SYNE2: variants seen among roughly 807,000 people sequenced by gnomAD.
The protein encoded by SYNE2 is nesprin-2.
SYNE2 carries 431 observed loss-of-function variants against 856.3 expected under a neutral mutation model. The ratio of observed to expected loss-of-function variants is 0.50; its 90% CI spans 0.47 to 0.55. The LOEUF (loss-of-function observed/expected upper bound fraction) is 0.55. Among genes scored for constraint, SYNE2 ranks in the 20% least tolerant of loss-of-function variants. The pLI is 0.00. For synonymous variants in SYNE2, 2,923 were observed against 2,872.3 expected (o/e 1.02, Z -0.56); for missense variants, 8,129 against 8,023.2 (o/e 1.01, Z -0.50).
chr14:64,103,233 A>C (rs8016917), intron 64 of SYNE2, among the ~76,000 whole-genome samples: 14,578 of 152,178 alleles, frequency 0.096, 1,239 homozygotes, highest in African/African-American at 0.23. Context: ...GTGAAAATCC[A>C]AACTGACCAA....
At position 64,215,889 on chromosome 14, in the gene SYNE2, G is replaced by C. The variant is rs1212055752; in HGVS notation, c.19403-359G>C. 6.5e-6 allele frequency: 8 copies of C among 1,239,046 alleles called. No individual in the cohort carries two copies. In the East Asian group the frequency reaches 3.0e-4, roughly 47 times the overall value. 76.8% of individuals were successfully genotyped at this position (1,239,046 alleles called of 1,614,324 possible). A position where few individuals can be genotyped will look rare whatever the true frequency, so the allele number is the denominator to read the frequency against. On this transcript the variant is annotated intron_variant, in intron 107 of 115. Coordinates refer to ENST00000555002, the MANE Select transcript of SYNE2 (RefSeq NM_182914.3). ...CCCTGAGGAGCCTTTTGGTTCCCAAGTCCATCTTGATGTTCACTCTTCCCC... is the reference window on the plus strand; with the variant it reads ...CCCTGAGGAGCCTTTTGGTTCCCAACTCCATCTTGATGTTCACTCTTCCCC...
chr14:64,208,796 G>A lies in SYNE2; in HGVS notation c.18240G>A (p.Val6080=), dbSNP rs897434313. 28 of 1,614,100 alleles carry A rather than the reference G, an allele frequency of 1.7e-5. No individual in the cohort carries two copies. Among genetic ancestry groups the A allele is most frequent in the Non-Finnish European group, 2.1e-5 (25 of 1,180,054 alleles). ...QRDIEQHSAG[V]ESVFNICDVL... ...ATATTGAACAACACAGCGCAGGGGTGGAGTCCGTGTTTAACATCTGTGACG... is the reference window on the plus strand; with the variant it reads ...ATATTGAACAACACAGCGCAGGGGTAGAGTCCGTGTTTAACATCTGTGACG... Residue 6080 remains valine, a synonymous_variant, in exon 101 of 116, where the codon GTG becomes GTA. Coordinates refer to ENST00000555002, the MANE Select transcript of SYNE2 (RefSeq NM_182914.3).
intron 99 of SYNE2, among the ~76,000 whole-genome samples, chr14:64,201,022 C>T (rs1273762391): frequency 1.3e-5 from 2 of 152,228 alleles, no homozygotes; most frequent in African/African-American, 4.8e-5. Context: ...CCAGCATTCA[C>T]TCTGTGCAGC....
intron 21 of SYNE2, 109 bp downstream of exon 21, chr14:63,991,224 T>TA: frequency 1.8e-6 from 2 of 1,117,758 alleles, no homozygotes; most frequent in South Asian, 2.8e-5. Flanking sequence ...TACTGTAACT[T>TA]AAAAAGAATT....
chr14:64,130,876 T>C (rs1052945609), intron 76 of SYNE2, among the ~76,000 whole-genome samples: 27 of 137,824 alleles, frequency 2.0e-4, no homozygotes, highest in African/African-American at 7.3e-4. Context: ...ACAGCAAGAC[T>C]CTATCTCAAA....
chr14:64,001,910 A>G, intron 28 of SYNE2, 24 bp from the exon 29 acceptor site: 1 of 1,613,722 alleles, frequency 6.2e-7, no homozygotes, highest in East Asian at 2.2e-5. Context: ...TTTTCCCCTC[A>G]TGTCTGATTT....
chr14:64,065,294 C>T (rs1315853823), intron 50 of SYNE2, 138 bp from the exon 51 acceptor site: 1 of 775,742 alleles, frequency 1.3e-6, no homozygotes, highest in African/African-American at 1.7e-5. Flanking sequence ...ATATTGACTT[C>T]TAAAAGGATA....
At chr14:63,946,950 A>C (rs1380105331) in intron 6 of SYNE2, among the ~76,000 whole-genome samples, 1 of 151,914 alleles carries the variant, frequency 6.6e-6, no homozygotes, top group Non-Finnish European at 1.5e-5. Flanking sequence ...CCTGGGTTCA[A>C]GTGATTCTTC....
At chr14:64,182,278 T>C (rs2098461510) in intron 96 of SYNE2, among the ~76,000 whole-genome samples, 2 of 152,256 alleles carry the variant, frequency 1.3e-5, no homozygotes, top group African/African-American at 2.4e-5. Context: ...TCTTGTGGTA[T>C]AGATAATTTA....
At chr14:64,161,787 CTT>C (rs1475852570) in intron 87 of SYNE2, among the ~76,000 whole-genome samples, 1 of 151,484 alleles carries the variant, frequency 6.6e-6, no homozygotes, top group Non-Finnish European at 1.5e-5. Context: ...ACTCCCCTCT[CTT>C]AAAAAAAGAG....
chr14:64,215,214 T>C (rs2098660457), intron 106 of SYNE2, 72 bp from the exon 107 acceptor site: 2 of 1,290,224 alleles, frequency 1.6e-6, no homozygotes, highest in South Asian at 1.2e-5. Flanking sequence ...ACAATGTTTC[T>C]ACTGTGTGTT....
At chr14:64,144,375 C>T (rs938277154) in intron 83 of SYNE2, among the ~76,000 whole-genome samples, 1 of 152,020 alleles carries the variant, frequency 6.6e-6, no homozygotes, top group Non-Finnish European at 1.5e-5. Flanking sequence ...TGAAAAGATT[C>T]GGAAAACTTA....
At chr14:64,156,826 A>T (rs2098290277) in intron 85 of SYNE2, among the ~76,000 whole-genome samples, 3 of 152,236 alleles carry the variant, frequency 2.0e-5, no homozygotes, top group Admixed American at 2.0e-4. Flanking sequence ...TTGTAAAGAC[A>T]TTCAGTCCAC....
chr14:64,162,501 C>G (rs993233068), intron 88 of SYNE2: 1 of 580,246 alleles, frequency 1.7e-6, no homozygotes, highest in Non-Finnish European at 3.1e-6. Flanking sequence ...GATATCACCT[C>G]GTTCCAAGTC....
intron 8 of SYNE2, among the ~76,000 whole-genome samples, chr14:63,955,600 G>C (rs1252921080): frequency 1.3e-5 from 2 of 152,072 alleles, no homozygotes; most frequent in Non-Finnish European, 2.9e-5. Flanking sequence ...TGAACGAATA[G>C]GTCAAGCACG....
In SYNE2 at chr14:64,210,273, C is replaced by G. The variant is rs1242889599; in HGVS notation, c.18723+149C>G. The G allele has an allele frequency of 5.7e-6, 6 of 1,061,942 alleles. No homozygotes were observed. In the Admixed American group the frequency reaches 1.4e-4, roughly 25 times the overall value. The allele number at this position is 1,061,942 out of a possible 1,614,324, so 65.8% of individuals were successfully genotyped here. ...AACAGTCCTCCAACACAAAGAAGCC[C>G]AAAGCTGCCAACGTTCGTTTTTTAA... On this transcript the variant is annotated intron_variant, in intron 103 of 115. Transcript: ENST00000555002.
In SYNE2 at chr14:64,053,115, G is replaced by A. The variant is rs2097240083; in HGVS notation, c.9202G>A (p.Val3068Ile). Residue 3068 changes from valine to isoleucine, a missense_variant, in exon 48 of 116, where the codon GTA (valine) becomes ATA (isoleucine). Physicochemically the swap from Val to Ile is conservative, Grantham distance 29. This residue lies in a region of SYNE2 where 5,410 missense variants were observed against 5,284.8 expected (regional missense o/e 1.02). Transcript: ENST00000555002. The part of the protein sequence containing the change: ...IDLQIKKMTE[V>I]VLKAPDSSPE... Reference sequence around the variant, plus strand: ...TTTGCAAATTAAGAAAATGACTGAAGTAGTACTAAAAGCTCCTGATAGCTC... The same window carrying A: ...TTTGCAAATTAAGAAAATGACTGAAATAGTACTAAAAGCTCCTGATAGCTC... 1 of 1,614,052 alleles carries A rather than the reference G, an allele frequency of 6.2e-7. No individual in the cohort carries two copies.
At chr14:64,038,083 G>A (rs1180714201) in intron 45 of SYNE2, among the ~76,000 whole-genome samples, 8 of 151,940 alleles carry the variant, frequency 5.3e-5, no homozygotes, top group African/African-American at 1.9e-4. Context: ...TCACTTCTCA[G>A]ACGGGGCGGC....
At chr14:64,101,559 C>T (rs1184724414) in intron 63 of SYNE2, among the ~76,000 whole-genome samples, 1 of 152,198 alleles carries the variant, frequency 6.6e-6, no homozygotes, top group East Asian at 1.9e-4. Flanking sequence ...CCTCCCACTT[C>T]AGCCTCCCAA....
Sources: gnomAD v4.1 joint callset for allele counts (sites outside exome capture counted in the v4.1 genomes callset) on GRCh38, gnomAD v4.1.1 for gene constraint, gnomAD v4.1.1 regional missense constraint, MANE v1.5 for transcripts, NCBI Gene and HGNC (gene_info 2026-07-23, HGNC 2026-07-21) for gene names.